PHKB: variants seen among roughly 807,000 people sequenced by gnomAD.
PHKB encodes the protein phosphorylase b kinase regulatory subunit beta.
In PHKB, 122 loss-of-function variants were observed where a neutral mutation model predicts 152.1. That is an observed-to-expected ratio of 0.80 (90% CI 0.69 to 0.93). The LOEUF is 0.93. PHKB is among the 40% of genes least tolerant of loss of function. PHKB has a pLI of 0.00. For missense variants in PHKB, 1,304 were observed against 1,328.4 expected, an observed-to-expected ratio of 0.98 and a Z score of 0.29; for synonymous variants, 436 against 464.9, an observed-to-expected ratio of 0.94 and a Z score of 0.80.
In PHKB at chr16:47,698,485, C is replaced by T; in HGVS notation, c.3041C>T (p.Pro1014Leu). The T allele has an allele frequency of 6.2e-7, 1 of 1,611,692 alleles. No homozygotes were observed. The highest frequency in any genetic ancestry group is 8.5e-7 in the Non-Finnish European group (1 of 1,178,060). The part of the protein sequence containing the change: ...MVVSIVLERN[P>L]ELEFQDKVDL... ...GTATCCATTGTACTGGAAAGAAACC[C>T]CGAGCTAGAATTTCAAGACAAAGTA... Residue 1014 changes from proline to leucine, a missense_variant, in exon 30 of 31, where the codon CCC becomes CTC. Transcript: ENST00000323584.
intron 26 of PHKB, among the ~76,000 whole-genome samples, chr16:47,677,406 T>C (rs1973752278): frequency 6.6e-6 from 1 of 152,194 alleles, no homozygotes; most frequent in South Asian, 2.1e-4. Context: ...CAAAACGCCA[T>C]ACATGGAATG....
At chr16:47,602,277 C>T (rs1400842292) in intron 13 of PHKB, among the ~76,000 whole-genome samples, 1 of 152,164 alleles carries the variant, frequency 6.6e-6, no homozygotes, top group East Asian at 1.9e-4. Context: ...GGAACACTAA[C>T]AAGCTACTTT....
chr16:47,524,999 A>G (rs1970743271), intron 6 of PHKB, among the ~76,000 whole-genome samples: 1 of 152,126 alleles, frequency 6.6e-6, no homozygotes, highest in South Asian at 2.1e-4. Context: ...TTTGTTATCC[A>G]GTGGTATTGA....
Position 47,515,544 on chromosome 16 carries a change from C to A in PHKB, c.537C>A (p.Leu179=). The A allele has an allele frequency of 6.7e-7, 1 of 1,490,054 alleles. No individual in the cohort carries two copies. Among genetic ancestry groups the A allele is most frequent in the Non-Finnish European group, 9.4e-7 (1 of 1,067,518 alleles). The allele number at this position is 1,490,054 out of a possible 1,614,324, so 92.3% of individuals were successfully genotyped here. Residue 179 remains leucine (L), a synonymous_variant, in exon 6 of 31, where the codon CTC becomes CTA. Transcript: ENST00000323584. ...AGATAAATGCAGTGTCACTTTATCT[C>A]CTTTACCTTGTGGAAATGATTTCCT... The part of the protein sequence containing the change: ...HLQINAVSLY[L]LYLVEMISSG...
chr16:47,495,659 C>T (rs1332370225), intron 1 of PHKB, among the ~76,000 whole-genome samples: 5 of 152,020 alleles, frequency 3.3e-5, no homozygotes, highest in African/African-American at 9.7e-5. Context: ...AGCTTATTAC[C>T]TTATGCTCTA....
intron 27 of PHKB, among the ~76,000 whole-genome samples, chr16:47,691,658 G>A (rs1482684401): frequency 6.6e-6 from 1 of 150,774 alleles, no homozygotes; most frequent in Non-Finnish European, 1.5e-5. Flanking sequence ...AGTCGAGATT[G>A]CACCACTGCA....
chr16:47,515,464 T>C, intron 5 of PHKB, 57 bp from the exon 6 acceptor site: 1 of 823,442 alleles, frequency 1.2e-6, no homozygotes, highest in Non-Finnish European at 2.2e-6. Flanking sequence ...AATTGATTAA[T>C]TTTATAACTT....
chr16:47,675,240 C>T (rs1240579398), intron 26 of PHKB, among the ~76,000 whole-genome samples: 3 of 152,166 alleles, frequency 2.0e-5, no homozygotes, highest in African/African-American at 4.8e-5. Flanking sequence ...ACCCCTCTTC[C>T]ACCCCTGTTA....
At chr16:47,593,235 G>T (rs1597109526) in intron 10 of PHKB, among the ~76,000 whole-genome samples, 1 of 149,434 alleles carries the variant, frequency 6.7e-6, no homozygotes, top group Non-Finnish European at 1.5e-5. Context: ...GAAGGAGGGA[G>T]GGAGGGAGGG....
chr16:47,663,171 G>A (rs1034054815), intron 23 of PHKB, among the ~76,000 whole-genome samples: 6 of 151,846 alleles, frequency 4.0e-5, no homozygotes, highest in African/African-American at 9.7e-5. Context: ...GTGATTTTAC[G>A]GGCAAAATCA....
intron 26 of PHKB, among the ~76,000 whole-genome samples, chr16:47,685,635 A>G (rs1390900563): frequency 1.3e-5 from 2 of 152,062 alleles, no homozygotes; most frequent in African/African-American, 2.4e-5. Context: ...TAATAGTTTT[A>G]TAGTTTATGT....
intron 1 of PHKB, among the ~76,000 whole-genome samples, chr16:47,483,478 A>G (rs1970000894): frequency 6.6e-6 from 1 of 152,344 alleles, no homozygotes; most frequent in Non-Finnish European, 1.5e-5. Context: ...TACTTGTAGT[A>G]TAAGTATGAA....
At chr16:47,538,397 T>TA in intron 6 of PHKB, among the ~76,000 whole-genome samples, 1 of 152,212 alleles carries the variant, frequency 6.6e-6, no homozygotes, top group South Asian at 2.1e-4. Context: ...ATTCAAAATT[T>TA]AAAAAAGTTT....
chr16:47,524,449 T>G (rs1003838025), intron 6 of PHKB, among the ~76,000 whole-genome samples: 2 of 152,216 alleles, frequency 1.3e-5, no homozygotes, highest in African/African-American at 4.8e-5. Flanking sequence ...TTAATGGCTG[T>G]CTGACATTCT....
chr16:47,664,147 G>T (rs911896289), intron 24 of PHKB: 4 of 173,614 alleles, frequency 2.3e-5, no homozygotes, highest in African/African-American at 9.6e-5. Flanking sequence ...TGTCACTTAA[G>T]TTGAATGAAT....
intron 20 of PHKB, among the ~76,000 whole-genome samples, chr16:47,653,438 A>G (rs1973275523): frequency 6.6e-6 from 1 of 152,216 alleles, no homozygotes; most frequent in Admixed American, 6.5e-5. Context: ...CAGTCTTCCT[A>G]TGTGGAGCGT....
chr16:47,634,845 A>G (rs1972889842), intron 14 of PHKB, among the ~76,000 whole-genome samples: 1 of 152,220 alleles, frequency 6.6e-6, no homozygotes, highest in African/African-American at 2.4e-5. Context: ...CTTGGGCCTG[A>G]TAAGCAGTTT....
chr16:47,496,068 A>C (rs1970227432), intron 1 of PHKB, among the ~76,000 whole-genome samples: 1 of 152,012 alleles, frequency 6.6e-6, no homozygotes, highest in Non-Finnish European at 1.5e-5. Flanking sequence ...TGGACACAGC[A>C]ATTTTATGAG....
At chr16:47,563,915 G>T (rs1046395138) in intron 7 of PHKB, among the ~76,000 whole-genome samples, 1 of 150,666 alleles carries the variant, frequency 6.6e-6, no homozygotes, top group Non-Finnish European at 1.5e-5. Context: ...GTGGCATTTG[G>T]TTTTTCATTC....
Sources: allele counts gnomAD v4.1 joint callset (sites outside exome capture counted in the v4.1 genomes callset), GRCh38; gene constraint gnomAD v4.1.1; transcripts MANE v1.5; gene names NCBI Gene and HGNC (gene_info 2026-07-23, HGNC 2026-07-21).